The following CDK8 variants were observed in gnomAD, a reference collection of about 807,000 sequenced individuals.
CDK8 encodes the protein cyclin dependent kinase 8.
A neutral mutation model predicts 71.5 loss-of-function variants in CDK8; 29 were observed. That is an observed-to-expected ratio of 0.41 (90% confidence interval 0.30 to 0.55). The LOEUF is 0.55. Ranked by LOEUF, CDK8 falls within the 20% of genes least tolerant of loss-of-function variation. CDK8 has a pLI of 0.37. For synonymous variants in CDK8, 161 were observed against 192.1 expected (o/e 0.84, Z 1.34); for missense variants, 288 against 572.6 (o/e 0.50, Z 5.07).
At chr13:26,318,680 T>C (rs1026392525) in intron 1 of CDK8, among the ~76,000 whole-genome samples, 1 of 152,200 alleles carries the variant, frequency 6.6e-6, no homozygotes, top group Non-Finnish European at 1.5e-5. Flanking sequence ...TGTTGTAATA[T>C]ACCACATTAA....
At chr13:26,329,042 T>A (rs1875163983) in intron 1 of CDK8, among the ~76,000 whole-genome samples, 1 of 152,242 alleles carries the variant, frequency 6.6e-6, no homozygotes, top group Admixed American at 6.5e-5. Flanking sequence ...TCTTGGATCC[T>A]CTTAATCAGC....
chr13:26,328,729 T>C (rs972053019), intron 1 of CDK8, among the ~76,000 whole-genome samples: 11 of 152,232 alleles, frequency 7.2e-5, no homozygotes, highest in Non-Finnish European at 1.3e-4. Context: ...GGGATAGGCC[T>C]ATTTTCATTT....
chr13:26,282,654 T>C (rs1392406358), intron 1 of CDK8, among the ~76,000 whole-genome samples: 4 of 152,042 alleles, frequency 2.6e-5, no homozygotes, highest in Non-Finnish European at 5.9e-5. Flanking sequence ...AGTAACACAA[T>C]GGAAGCAAAA....
intron 1 of CDK8, among the ~76,000 whole-genome samples, chr13:26,317,969 G>A (rs1402595675): frequency 6.6e-6 from 1 of 151,538 alleles, no homozygotes. Flanking sequence ...AAAATATATA[G>A]CGAAAATAAT....
At chr13:26,312,292 C>G (rs1341328119) in intron 1 of CDK8, among the ~76,000 whole-genome samples, 1 of 152,192 alleles carries the variant, frequency 6.6e-6, no homozygotes, top group Admixed American at 6.5e-5. Flanking sequence ...CTTCAGCCAG[C>G]AGTGGCAACC....
intron 3 of CDK8, among the ~76,000 whole-genome samples, chr13:26,350,257 G>A (rs543322937): frequency 6.6e-6 from 1 of 152,262 alleles, no homozygotes; most frequent in Non-Finnish European, 1.5e-5. Flanking sequence ...GTGGATGAGA[G>A]CTCTATTACA....
At chr13:26,318,012 A>G (rs967036900) in intron 1 of CDK8, among the ~76,000 whole-genome samples, 1 of 152,088 alleles carries the variant, frequency 6.6e-6, no homozygotes, top group African/African-American at 2.4e-5. Flanking sequence ...GAAAAGATCA[A>G]CAAAGTTGGC....
intron 4 of CDK8, among the ~76,000 whole-genome samples, chr13:26,365,776 A>G (rs1290622781): frequency 3.9e-5 from 6 of 152,114 alleles, no homozygotes; most frequent in South Asian, 2.1e-4. Context: ...ACCTGGACAG[A>G]TAGGGAGACA....
At chr13:26,385,415 T>TA in intron 6 of CDK8, 73 bp downstream of exon 6, 2 of 1,239,754 alleles carry the variant, frequency 1.6e-6, no homozygotes, top group Non-Finnish European at 2.2e-6. Flanking sequence ...TATATATTTT[T>TA]AAATTAAGTA....
At position 26,401,758 on chromosome 13, in the gene CDK8, TG is replaced by T; in HGVS notation, c.1269+136del. The T allele has an allele frequency of 1.1e-6, 1 of 951,062 alleles. No individual in the cohort carries two copies. Among genetic ancestry groups the T allele is most frequent in the Non-Finnish European group, 1.6e-6 (1 of 627,516 alleles). The allele number at this position is 951,062 out of a possible 1,614,324, so 58.9% of individuals were successfully genotyped here. ...GAAATACATTAACATGAAATGTTAC[TG>T]GCATGGAAAAGTACTGACAGTGGTA... On this transcript the variant is annotated intron_variant, in intron 12 of 12. Coordinates refer to ENST00000381527, the MANE Select transcript of CDK8 (RefSeq NM_001260.3). The surrounding 1 kb of genome is among the most constrained non-coding windows in gnomAD (Gnocchi z 4.5).
intron 2 of CDK8, among the ~76,000 whole-genome samples, chr13:26,339,747 TAA>T (rs759709011): frequency 1.3e-3 from 40 of 29,912 alleles, no homozygotes; most frequent in South Asian, 8.9e-3. Context: ...TATAATTACT[TAA>T]AAAAAAAATA....
intron 3 of CDK8, among the ~76,000 whole-genome samples, chr13:26,349,629 G>A (rs180890138): frequency 9.9e-5 from 15 of 152,262 alleles, no homozygotes; most frequent in East Asian, 3.9e-4. Flanking sequence ...ATTATTTGTC[G>A]TATAGCATTA....
intron 1 of CDK8, among the ~76,000 whole-genome samples, chr13:26,286,131 G>A (rs976465692): frequency 2.6e-5 from 4 of 152,024 alleles, no homozygotes; most frequent in Non-Finnish European, 4.4e-5. Context: ...AAATACCATC[G>A]TCATTCCTCA....
intron 1 of CDK8, among the ~76,000 whole-genome samples, chr13:26,261,854 C>G (rs1452055100): frequency 6.6e-6 from 1 of 152,122 alleles, no homozygotes; most frequent in African/African-American, 2.4e-5. Flanking sequence ...AGCTGAGAAC[C>G]AATTTTGAGT....
intron 1 of CDK8, among the ~76,000 whole-genome samples, chr13:26,325,545 G>C (rs1874978024): frequency 6.6e-6 from 1 of 152,122 alleles, no homozygotes; most frequent in African/African-American, 2.4e-5. Flanking sequence ...GAGGTATCTC[G>C]GTAAGAAAAG....
chr13:26,287,155 G>A (rs892858037), intron 1 of CDK8, among the ~76,000 whole-genome samples: 5 of 152,260 alleles, frequency 3.3e-5, no homozygotes, highest in Admixed American at 6.5e-5. Context: ...TCTACTCAGA[G>A]GAAAAGAAGT....
Position 26,385,348 on chromosome 13 carries a change from T to C in CDK8, c.646+6T>C. The stretch of plus-strand genomic sequence containing the variant: ...GCATTATACCAAAGCTATTGGTGAG[T>C]AGAACTAATTAAAATTCCATGAGTT... On this transcript the variant is annotated splice_donor_region_variant and intron_variant, in intron 6 of 12. Coordinates refer to ENST00000381527, the MANE Select transcript of CDK8 (RefSeq NM_001260.3). The C allele has an allele frequency of 1.3e-6, 2 of 1,581,820 alleles. No homozygotes were observed. The highest frequency in any genetic ancestry group is 1.7e-6 in the Non-Finnish European group (2 of 1,170,364).
At chr13:26,288,925 A>G (rs1593241347) in intron 1 of CDK8, among the ~76,000 whole-genome samples, 1 of 151,880 alleles carries the variant, frequency 6.6e-6, no homozygotes, top group East Asian at 1.9e-4. Context: ...CTAATTTTGT[A>G]CTTAAGGTAG....
chr13:26,281,479 A>G (rs766084932), intron 1 of CDK8, among the ~76,000 whole-genome samples: 2 of 151,896 alleles, frequency 1.3e-5, no homozygotes, highest in African/African-American at 4.9e-5. Flanking sequence ...AAGAATCTGA[A>G]CAACAGCCCT....
Sources: gnomAD v4.1 joint callset for allele counts (sites outside exome capture counted in the v4.1 genomes callset) on GRCh38, gnomAD v4.1.1 for gene constraint, Gnocchi (gnomAD v3.1) non-coding constraint, MANE v1.5 for transcripts, NCBI Gene and HGNC (gene_info 2026-07-23, HGNC 2026-07-21) for gene names.